Variants in DEPTOR observed in about 807,000 individuals in gnomAD.
DEPTOR encodes the protein DEP domain containing MTOR interacting protein.
A neutral mutation model predicts 41.6 loss-of-function variants in DEPTOR; 41 were observed. That is an observed-to-expected ratio of 0.98 (90% CI 0.77 to 1.28). The LOEUF is 1.28. DEPTOR is among the 50% of genes most tolerant of loss of function. The pLI, the probability that DEPTOR is intolerant of heterozygous loss-of-function variation, is 0.00. For missense variants in DEPTOR, 514 were observed against 527.9 expected (o/e 0.97, Z 0.26); for synonymous variants, 195 against 192.3 (o/e 1.01, Z -0.12).
At chr8:119,986,154 A>G (rs1828828120) in intron 4 of DEPTOR, among the ~76,000 whole-genome samples, 1 of 152,084 alleles carries the variant, frequency 6.6e-6, no homozygotes, top group Non-Finnish European at 1.5e-5. Context: ...ATGTGTTTGC[A>G]GTGGCTCGTA....
At chr8:119,986,274 C>T (rs1268733442) in intron 4 of DEPTOR, among the ~76,000 whole-genome samples, 1 of 152,096 alleles carries the variant, frequency 6.6e-6, no homozygotes, top group African/African-American at 2.4e-5. Flanking sequence ...TTTTATTTCT[C>T]CTTCACTTAT....
rs191613954 is a variant in DEPTOR at position 119,970,442 on chromosome 8, A to G, written c.604+5032A>G. Among the ~76,000 whole-genome samples the G allele has an allele frequency of 1.5e-4, 23 of 152,304 alleles. No individual in the cohort carries two copies. The East Asian group carries it at 3.9e-3, about 26-fold the overall frequency. On this transcript the variant is annotated intron_variant, in intron 4 of 8. Transcript: ENST00000286234. ...AGCTACTAGGTGTTGTGTCTTAGAA[A>G]GAAGCTTGCCTTGGTCTGGGATGTG...
At chr8:119,894,234 T>C (rs1333776371) in intron 1 of DEPTOR, among the ~76,000 whole-genome samples, 1 of 151,834 alleles carries the variant, frequency 6.6e-6, no homozygotes, top group African/African-American at 2.4e-5. Context: ...ATTAAAAATT[T>C]GTTGTTGTTG....
chr8:119,953,789 G>A (rs1380187237), intron 3 of DEPTOR, among the ~76,000 whole-genome samples: 1 of 145,148 alleles, frequency 6.9e-6, no homozygotes, highest in Non-Finnish European at 1.5e-5. Context: ...AACAAGATAG[G>A]TCAGATAGCT....
intron 3 of DEPTOR, among the ~76,000 whole-genome samples, chr8:119,932,035 G>A (rs1828050942): frequency 6.6e-6 from 1 of 151,296 alleles, no homozygotes; most frequent in Admixed American, 6.6e-5. Context: ...AGGCTGGAGT[G>A]CAGTGGCATT....
chr8:119,893,124 A>G (rs1330841841), intron 1 of DEPTOR, among the ~76,000 whole-genome samples: 2 of 152,208 alleles, frequency 1.3e-5, no homozygotes, highest in African/African-American at 4.8e-5. Flanking sequence ...AAGTGAAGGT[A>G]TAGTGGTTAG....
chr8:119,907,913 A>G (rs1485407606), intron 1 of DEPTOR, among the ~76,000 whole-genome samples: 3 of 152,206 alleles, frequency 2.0e-5, no homozygotes, highest in African/African-American at 7.2e-5. Flanking sequence ...TTCCCAAGTG[A>G]TAAGAGTGTC....
At chr8:119,931,167 C>T (rs1413333662) in intron 3 of DEPTOR, among the ~76,000 whole-genome samples, 3 of 151,928 alleles carry the variant, frequency 2.0e-5, no homozygotes, top group Non-Finnish European at 4.4e-5. Flanking sequence ...GCCGGGATCA[C>T]GTTACTGCAC....
At chr8:119,957,781 G>A (rs1828438283) in intron 3 of DEPTOR, among the ~76,000 whole-genome samples, 1 of 151,974 alleles carries the variant, frequency 6.6e-6, no homozygotes, top group South Asian at 2.1e-4. Context: ...TAAAGACAGG[G>A]TTTCACCATG....
intron 1 of DEPTOR, among the ~76,000 whole-genome samples, chr8:119,896,253 T>A (rs1014214630): frequency 3.3e-5 from 5 of 152,116 alleles, no homozygotes; most frequent in Admixed American, 3.3e-4. Flanking sequence ...TTAGTCCCAT[T>A]TTAGAAATGA....
chr8:119,991,058 C>A (rs1812156111), intron 4 of DEPTOR, among the ~76,000 whole-genome samples: 2 of 49,446 alleles, frequency 4.0e-5, no homozygotes, highest in Admixed American at 5.3e-4. Flanking sequence ...TTCTTTCTTT[C>A]TTTCTTTCTT....
intron 3 of DEPTOR, among the ~76,000 whole-genome samples, chr8:119,934,073 G>A (rs909775244): frequency 1.3e-5 from 2 of 152,078 alleles, no homozygotes; most frequent in African/African-American, 4.8e-5. Context: ...TAGAGATGGG[G>A]TTTTAACTTG....
At chr8:119,885,225 A>G (rs926570297) in intron 1 of DEPTOR, among the ~76,000 whole-genome samples, 2 of 152,204 alleles carry the variant, frequency 1.3e-5, no homozygotes, top group African/African-American at 4.8e-5. Context: ...TGATGTACAC[A>G]GAATATATTC....
intron 3 of DEPTOR, among the ~76,000 whole-genome samples, chr8:119,932,824 C>T (rs1828062391): frequency 6.6e-6 from 1 of 152,114 alleles, no homozygotes; most frequent in African/African-American, 2.4e-5. Context: ...GAAGAGACAA[C>T]ATTTGAATAA....
At position 120,011,560 on chromosome 8, in the gene DEPTOR, C is replaced by T. The variant is rs554440400; in HGVS notation, c.1101+2427C>T. Among the ~76,000 whole-genome samples, 3 of 152,258 alleles carry T rather than the reference C, an allele frequency of 2.0e-5. No homozygotes were observed. The South Asian group carries it at 6.2e-4, about 32-fold the overall frequency. On this transcript the variant is annotated intron_variant, in intron 8 of 8. Coordinates refer to ENST00000286234, the MANE Select transcript of DEPTOR (RefSeq NM_022783.4). ...ATAAATTTTTTTTGGCACAATGCTT[C>T]AGTTCTGAGTGTGCACTCACTCGCA...
Position 119,996,732 on chromosome 8 carries a change from C to A in DEPTOR, c.605-4793C>A, listed in dbSNP as rs190785621. Among the ~76,000 whole-genome samples the A allele has an allele frequency of 6.6e-4, 100 of 152,186 alleles. 1 individual carries two copies. Among genetic ancestry groups the A allele is most frequent in the African/African-American group, 2.2e-3 (93 of 41,526 alleles). On this transcript the variant is annotated intron_variant, in intron 4 of 8. Coordinates refer to ENST00000286234, the MANE Select transcript of DEPTOR (RefSeq NM_022783.4). ...TTTTTTTTGGATTTAGAATGCTTTT[C>A]TGGATTTATTTATACAGAGCCAATA...
intron 4 of DEPTOR, among the ~76,000 whole-genome samples, chr8:120,001,076 C>A (rs1427175154): frequency 2.7e-4 from 40 of 148,594 alleles, no homozygotes; most frequent in African/African-American, 8.1e-4. Context: ...GACACCATCT[C>A]AAAAAAAAAG....
intron 4 of DEPTOR, among the ~76,000 whole-genome samples, chr8:119,981,417 G>T (rs151227252): frequency 4.9e-4 from 75 of 152,214 alleles, no homozygotes; most frequent in African/African-American, 1.6e-3. Context: ...AGCACTTTGG[G>T]AGGCCGAGGC....
intron 7 of DEPTOR, among the ~76,000 whole-genome samples, chr8:120,007,753 G>A (rs1329865828): frequency 2.0e-5 from 3 of 152,134 alleles, no homozygotes; most frequent in Non-Finnish European, 2.9e-5. Flanking sequence ...GGAGAAAGGC[G>A]CTGACAACAT....
Sources: allele counts gnomAD v4.1 joint callset (sites outside exome capture counted in the v4.1 genomes callset), GRCh38; gene constraint gnomAD v4.1.1; transcripts MANE v1.5; gene names NCBI Gene and HGNC (gene_info 2026-07-23, HGNC 2026-07-21).